STRN3: variants seen among roughly 807,000 people sequenced by gnomAD.
STRN3 encodes the protein striatin 3, also known as striatin-3.
A neutral mutation model predicts 95.6 loss-of-function variants in STRN3; 29 were observed. The observed-to-expected ratio is 0.30, with a 90% CI of 0.23 to 0.41. The LOEUF is 0.41. Ranked by LOEUF, STRN3 falls within the 10% of genes least tolerant of loss-of-function variation. STRN3 has a pLI of 1.00. For missense variants in STRN3, 890 were observed against 972.1 expected (o/e 0.92, Z 1.12); for synonymous variants, 331 against 357.6 (o/e 0.93, Z 0.84).
At position 30,902,059 on chromosome 14, in the gene STRN3, G is replaced by A. The variant is rs796757953; in HGVS notation, c.2137+477C>T. ...GGTGGTGCATGCCTGTAATCCCAGCGACTCGGGAGGCTGAGGCAGGATAAT... is the reference window on the plus strand; with the variant it reads ...GGTGGTGCATGCCTGTAATCCCAGCAACTCGGGAGGCTGAGGCAGGATAAT... On this transcript the variant is annotated intron_variant, in intron 16 of 17. Transcript: ENST00000357479. Among the ~76,000 whole-genome samples the A allele has an allele frequency of 1.1e-4, 17 of 150,866 alleles. 1 individual carries two copies. The highest frequency in any genetic ancestry group is 3.9e-4 in the African/African-American group (16 of 41,080).
chr14:30,997,848 C>G (rs1463740172), intron 1 of STRN3, among the ~76,000 whole-genome samples: 3 of 152,112 alleles, frequency 2.0e-5, no homozygotes, highest in Admixed American at 2.0e-4. Context: ...GTGGAGACCT[C>G]TGAAAATCTC....
rs1165421777 is a variant in STRN3, at chr14:30,950,948, A to G, written c.461-4T>C. On this transcript the variant is annotated splice_polypyrimidine_tract_variant and splice_region_variant and intron_variant, in intron 3 of 17. Coordinates refer to ENST00000357479, the MANE Select transcript of STRN3 (RefSeq NM_001083893.2). ...GCCTCTGTGTCTTTGGTTTCTTCTA[A>G]AAATTAAGAAAAAAAAAGTTTTACA... The G allele has an allele frequency of 2.5e-6, 4 of 1,606,544 alleles. No homozygotes were observed. The highest frequency in any genetic ancestry group is 3.4e-6 in the Non-Finnish European group (4 of 1,178,254).
At chr14:30,911,920 A>AT (rs1190871422) in intron 11 of STRN3, 87 bp downstream of exon 11, 1 of 1,562,904 alleles carries the variant, frequency 6.4e-7, no homozygotes, top group African/African-American at 1.4e-5. Flanking sequence ...AAATGTGTGC[A>AT]TTAAAGACAT....
chr14:30,996,584 T>C (rs1256147296), intron 1 of STRN3, among the ~76,000 whole-genome samples: 2 of 152,178 alleles, frequency 1.3e-5, no homozygotes, highest in Non-Finnish European at 2.9e-5. Flanking sequence ...AGGTGCAATG[T>C]AGGCTAGGTG....
At chr14:30,934,306 G>C (rs1366585904) in intron 7 of STRN3, among the ~76,000 whole-genome samples, 49 of 152,098 alleles carry the variant, frequency 3.2e-4, no homozygotes, top group Admixed American at 3.2e-3. Flanking sequence ...CCTGGCGACA[G>C]AGCGAGACTC....
At chr14:30,910,346 T>C (rs1896575172) in intron 13 of STRN3, among the ~76,000 whole-genome samples, 1 of 152,214 alleles carries the variant, frequency 6.6e-6, no homozygotes, top group African/African-American at 2.4e-5. Flanking sequence ...CTACTTTCCA[T>C]TAGTCTAAAT....
chr14:30,992,379 C>A (rs1881998346), intron 1 of STRN3, among the ~76,000 whole-genome samples: 1 of 150,512 alleles, frequency 6.6e-6, no homozygotes, highest in African/African-American at 2.4e-5. Context: ...GCACTCCAGC[C>A]TGGAGACAGA....
chr14:30,996,133 T>C (rs1334940340), intron 1 of STRN3, among the ~76,000 whole-genome samples: 3 of 152,166 alleles, frequency 2.0e-5, no homozygotes, highest in Non-Finnish European at 4.4e-5. Flanking sequence ...CATAACAAAC[T>C]TCACGCATGC....
intron 1 of STRN3, chr14:31,025,225 G>C (rs1228126748): frequency 2.6e-5 from 4 of 152,392 alleles, no homozygotes; most frequent in Admixed American, 1.3e-4. Flanking sequence ...GAAAAATTCA[G>C]TGCTGAAAGC....
intron 1 of STRN3, among the ~76,000 whole-genome samples, chr14:30,961,662 A>G (rs1594501903): frequency 6.6e-6 from 1 of 152,292 alleles, no homozygotes; most frequent in Non-Finnish European, 1.5e-5. Context: ...GTTTTGAGAC[A>G]CCCAGACTGG....
chr14:30,999,843 C>T (rs1213361093), intron 1 of STRN3, among the ~76,000 whole-genome samples: 3 of 152,106 alleles, frequency 2.0e-5, no homozygotes, highest in African/African-American at 7.2e-5. Context: ...AAAAGAGATT[C>T]ACATCAAGAT....
intron 1 of STRN3, among the ~76,000 whole-genome samples, chr14:31,022,357 G>C (rs1007263351): frequency 1.3e-5 from 2 of 149,016 alleles, no homozygotes; most frequent in African/African-American, 5.0e-5. Flanking sequence ...TCCAGCCTGG[G>C]CGACAGTAGA....
intron 1 of STRN3, among the ~76,000 whole-genome samples, chr14:30,958,117 AG>A (rs564553214): frequency 8.3e-4 from 127 of 152,338 alleles, no homozygotes; most frequent in African/African-American, 2.9e-3. Flanking sequence ...GTTCATGACC[AG>A]CCTTGGCAAG....
At position 30,978,238 on chromosome 14, in the gene STRN3, A is replaced by G. The variant is rs563604909; in HGVS notation, c.283-21996T>C. ...AACGACAAACATATCTCTCATGAGCATAGATGCAAAACTCCTTAACAAAAT... is the reference window on the plus strand; with the variant it reads ...AACGACAAACATATCTCTCATGAGCGTAGATGCAAAACTCCTTAACAAAAT... On this transcript the variant is annotated intron_variant, in intron 1 of 17. Coordinates refer to ENST00000357479, the MANE Select transcript of STRN3 (RefSeq NM_001083893.2). Among the ~76,000 whole-genome samples, 3 of 152,344 alleles carry G rather than the reference A, an allele frequency of 2.0e-5. No individual in the cohort carries two copies. In the South Asian group the frequency reaches 6.2e-4, roughly 32 times the overall value.
intron 1 of STRN3, among the ~76,000 whole-genome samples, chr14:31,021,731 T>C (rs1883516884): frequency 6.6e-6 from 1 of 152,188 alleles, no homozygotes; most frequent in African/African-American, 2.4e-5. Context: ...GTTGGTTAAG[T>C]ACATACGGTT....
At chr14:30,980,664 G>C (rs1881350898) in intron 1 of STRN3, among the ~76,000 whole-genome samples, 1 of 152,066 alleles carries the variant, frequency 6.6e-6, no homozygotes, top group South Asian at 2.1e-4. Context: ...GCCTCCCAAA[G>C]TGCTGGGATA....
intron 1 of STRN3, among the ~76,000 whole-genome samples, chr14:31,016,888 C>A (rs1416147229): frequency 6.6e-6 from 1 of 152,194 alleles, no homozygotes; most frequent in East Asian, 1.9e-4. Context: ...GGTGCAGTAG[C>A]TGACACCTGT....
At chr14:30,910,746 A>G (rs1429272261) in intron 13 of STRN3, among the ~76,000 whole-genome samples, 1 of 152,084 alleles carries the variant, frequency 6.6e-6, no homozygotes, top group Non-Finnish European at 1.5e-5. Context: ...TAAGTTCAAA[A>G]TTTTGTTACT....
chr14:30,986,460 G>A (rs1881697588), intron 1 of STRN3, among the ~76,000 whole-genome samples: 1 of 152,216 alleles, frequency 6.6e-6, no homozygotes, highest in Non-Finnish European at 1.5e-5. Flanking sequence ...GTAGTAGCTA[G>A]ATAGTAGCCA....
Sources: allele counts gnomAD v4.1 joint callset (sites outside exome capture counted in the v4.1 genomes callset), GRCh38; gene constraint gnomAD v4.1.1; transcripts MANE v1.5; gene names NCBI Gene and HGNC (gene_info 2026-07-23, HGNC 2026-07-21).